The following DLGAP2 variants were observed in gnomAD, a reference collection of about 807,000 sequenced individuals.
DLGAP2 encodes disks large-associated protein 2.
A neutral mutation model predicts 100.3 loss-of-function variants in DLGAP2; 26 were observed. The ratio of observed to expected loss-of-function variants is 0.26; its 90% CI spans 0.19 to 0.36. DLGAP2 has a LOEUF of 0.36. DLGAP2 is among the 10% of genes least tolerant of loss of function. The probability of loss-of-function intolerance (pLI) is 1.00; values close to 1 mark genes in which losing one functional copy is unlikely to be tolerated. For missense variants in DLGAP2, 1,858 were observed against 1,453.2 expected, an observed-to-expected ratio of 1.28 and a Z score of -4.53; for synonymous variants, 886 against 630.1, an observed-to-expected ratio of 1.41 and a Z score of -6.08.
Position 1,701,449 on chromosome 8 carries a change from G to T in DLGAP2, c.*43G>T. The T allele has an allele frequency of 1.3e-6, 2 of 1,537,692 alleles. No individual in the cohort carries two copies. The highest frequency in any genetic ancestry group is 1.8e-6 in the Non-Finnish European group (2 of 1,141,314). ...TTCCCCTCGTCGCTTCCGCTTTCCC[G>T]GACGCTTGTGCAGCGCGGCGCCGCC... On this transcript the variant is annotated 3_prime_UTR_variant, in exon 15 of 15. Transcript: ENST00000637795.
At chr8:1,424,008 A>T (rs923282428) in intron 3 of DLGAP2, among the ~76,000 whole-genome samples, 5 of 152,242 alleles carry the variant, frequency 3.3e-5, no homozygotes, top group African/African-American at 1.2e-4. Context: ...TAGCAGCCGG[A>T]TTATTCAAAG....
intron 2 of DLGAP2, among the ~76,000 whole-genome samples, chr8:1,256,196 T>TGCCGTCTTATCCTG (rs199990265): frequency 7.5e-6 from 1 of 132,716 alleles, no homozygotes; most frequent in Non-Finnish European, 1.6e-5. Context: ...GCTGTGTGTG[T>TGCCGTCTTATCCTG]CCTCTCATGC....
intron 1 of DLGAP2, among the ~76,000 whole-genome samples, chr8:819,766 T>A (rs990542047): frequency 2.6e-5 from 4 of 152,142 alleles, no homozygotes; most frequent in Admixed American, 2.6e-4. Flanking sequence ...ATGAAACACC[T>A]GGGAGGTACG....
intron 2 of DLGAP2, among the ~76,000 whole-genome samples, chr8:963,687 TTTTAA>T (rs67145934): frequency 0.22 from 33,088 of 151,934 alleles, 4,414 homozygotes; most frequent in Non-Finnish European, 0.3. Context: ...CCTCGGTGAA[TTTTAA>T]TTAATTTAAT....
intron 3 of DLGAP2, among the ~76,000 whole-genome samples, chr8:1,466,310 C>T (rs76527739): frequency 0.15 from 22,414 of 151,950 alleles, 1,900 homozygotes; most frequent in South Asian, 0.27. Flanking sequence ...CTGAGCCAAG[C>T]AGAGCAGTGA....
chr8:1,552,683 A>T (rs994971430), intron 5 of DLGAP2, among the ~76,000 whole-genome samples: 5 of 152,250 alleles, frequency 3.3e-5, no homozygotes, highest in African/African-American at 1.2e-4. Flanking sequence ...TACGGATAAG[A>T]TTTAAAAGAA....
intron 1 of DLGAP2, among the ~76,000 whole-genome samples, chr8:845,942 C>T (rs755088925): frequency 2.0e-5 from 3 of 152,290 alleles, no homozygotes; most frequent in South Asian, 2.1e-4. Context: ...ATTGTCTTGG[C>T]ACCCTTGTCA....
At chr8:1,096,952 C>A (rs140426093) in intron 2 of DLGAP2, among the ~76,000 whole-genome samples, 1 of 141,484 alleles carries the variant, frequency 7.1e-6, no homozygotes, top group Non-Finnish European at 1.6e-5. Context: ...CAGGCCTTCA[C>A]CCTCTGTGGC....
chr8:1,443,734 G>A (rs968242533), intron 3 of DLGAP2, among the ~76,000 whole-genome samples: 10 of 152,200 alleles, frequency 6.6e-5, no homozygotes, highest in Non-Finnish European at 1.5e-5. Flanking sequence ...TTACTACCAT[G>A]AGAAGAGTAT....
At position 989,926 on chromosome 8, in the gene DLGAP2, A is replaced by T. The variant is rs190871549; in HGVS notation, c.73+81960A>T. Among the ~76,000 whole-genome samples, 516 of 152,206 alleles carry T rather than the reference A, an allele frequency of 3.4e-3. 4 individuals are homozygous for T. Among genetic ancestry groups the T allele is most frequent in the African/African-American group, 0.012 (498 of 41,510 alleles). On this transcript the variant is annotated intron_variant, in intron 2 of 14. Coordinates refer to ENST00000637795, the MANE Select transcript of DLGAP2 (RefSeq NM_001346810.2). ...TAAAAATAACTGAATTGTAATTTGC[A>T]TGCAGTGAAATGTCGCTGTTGGGTG... is the stretch of plus-strand genomic sequence containing the variant.
intron 3 of DLGAP2, among the ~76,000 whole-genome samples, chr8:1,410,316 C>T (rs959158757): frequency 2.0e-5 from 3 of 152,214 alleles, no homozygotes; most frequent in East Asian, 1.9e-4. Flanking sequence ...ACGGGCATGG[C>T]TTCACGCGTG....
At chr8:842,082 C>G (rs1182226124) in intron 1 of DLGAP2, among the ~76,000 whole-genome samples, 2 of 152,290 alleles carry the variant, frequency 1.3e-5, no homozygotes, top group South Asian at 4.1e-4. Context: ...TTGGCATTGT[C>G]AGAGCAGATC....
chr8:1,331,097 C>G (rs990259891), intron 3 of DLGAP2, among the ~76,000 whole-genome samples: 2 of 152,182 alleles, frequency 1.3e-5, no homozygotes, highest in Non-Finnish European at 2.9e-5. Context: ...GGCTTAGCTG[C>G]CTGCTGGGTA....
At chr8:994,566 C>G (rs1272795032) in intron 2 of DLGAP2, among the ~76,000 whole-genome samples, 2 of 152,188 alleles carry the variant, frequency 1.3e-5, no homozygotes, top group African/African-American at 4.8e-5. Context: ...GAACAGTGCT[C>G]TTAACTTGTC....
chr8:1,348,877 C>T (rs1295032147), intron 3 of DLGAP2, among the ~76,000 whole-genome samples: 2 of 152,170 alleles, frequency 1.3e-5, no homozygotes, highest in Non-Finnish European at 2.9e-5. Context: ...CTGCTTGTGC[C>T]TTTGGAATCT....
intron 2 of DLGAP2, chr8:927,112 C>A (rs17752590): frequency 0.12 from 118,815 of 985,246 alleles, 7,932 homozygotes; most frequent in Admixed American, 0.25. Flanking sequence ...TAAAAGACTT[C>A]GGAGCAAACT....
chr8:1,373,058 T>C (rs2129717394), intron 3 of DLGAP2, among the ~76,000 whole-genome samples: 1 of 152,292 alleles, frequency 6.6e-6, no homozygotes, highest in East Asian at 1.9e-4. Context: ...TGTTGTTTCT[T>C]CTGGAGTGCG....
chr8:1,024,408 T>C (rs957676960), intron 2 of DLGAP2, among the ~76,000 whole-genome samples: 11 of 136,854 alleles, frequency 8.0e-5, no homozygotes, highest in East Asian at 4.0e-4. Flanking sequence ...GGGTGGACAG[T>C]CCCGTGCCGA....
intron 6 of DLGAP2, among the ~76,000 whole-genome samples, chr8:1,591,459 C>A (rs1309534421): frequency 6.6e-6 from 1 of 152,104 alleles, no homozygotes; most frequent in East Asian, 1.9e-4. Context: ...TTTTGAGTTT[C>A]CTGATGGGGT....
Sources: allele counts gnomAD v4.1 joint callset (sites outside exome capture counted in the v4.1 genomes callset), GRCh38; gene constraint gnomAD v4.1.1; transcripts MANE v1.5; gene names NCBI Gene and HGNC (gene_info 2026-07-23, HGNC 2026-07-21).